Variants in ADAMTS6 observed in about 807,000 individuals in gnomAD.
ADAMTS6 encodes ADAM metallopeptidase with thrombospondin type 1 motif 6.
A neutral mutation model predicts 144.3 loss-of-function variants in ADAMTS6; 23 were observed. The observed-to-expected ratio is 0.16, with a 90% CI of 0.11 to 0.23. ADAMTS6 has a LOEUF of 0.23. ADAMTS6 is among the 10% of genes least tolerant of loss of function. The probability of loss-of-function intolerance (pLI) is 1.00; values close to 1 mark genes in which losing one functional copy is unlikely to be tolerated. For missense variants in ADAMTS6, 999 were observed against 1,379.6 expected (o/e 0.72, Z 4.37); for synonymous variants, 444 against 457.5 (o/e 0.97, Z 0.38).
chr5:65,292,480 A>G (rs925644414), intron 10 of ADAMTS6, among the ~76,000 whole-genome samples: 1 of 151,946 alleles, frequency 6.6e-6, no homozygotes, highest in Non-Finnish European at 1.5e-5. Flanking sequence ...TTAGGACAGT[A>G]CAATTTTTCA....
At chr5:65,239,893 C>T (rs529225931) in intron 15 of ADAMTS6, among the ~76,000 whole-genome samples, 1 of 152,134 alleles carries the variant, frequency 6.6e-6, no homozygotes, top group African/African-American at 2.4e-5. Flanking sequence ...CAGACATTGT[C>T]GGTGAGAGTG....
In ADAMTS6 at chr5:65,242,119, T is replaced by C. The variant is rs1373657192; in HGVS notation, c.1918A>G (p.Lys640Glu). ...MPFRGKYYNW[K>E]PYTGGGVKPC... is the part of the protein sequence containing the mutation. ...TATACATTACCTCCAGTATAGGGTT[T>C]CCAGTTATAATACTTTCCTCGGAAA... The change falls in exon 15 of 25, where the codon AAA becomes GAA. Residue 640 changes from lysine (K) to glutamate (E), a missense_variant. This residue lies in a region of ADAMTS6 where 619 missense variants were observed against 837.0 expected (regional missense o/e 0.74). Coordinates refer to ENST00000381055, the MANE Select transcript of ADAMTS6 (RefSeq NM_197941.4). 1 of 1,594,744 alleles carries C rather than the reference T, an allele frequency of 6.3e-7. No homozygotes were observed. The highest frequency in any genetic ancestry group is 8.6e-7 in the Non-Finnish European group (1 of 1,167,898).
intron 15 of ADAMTS6, among the ~76,000 whole-genome samples, chr5:65,234,078 CAAAAAAAA>C (rs3078364): frequency 3.3e-5 from 3 of 90,384 alleles, no homozygotes; most frequent in Admixed American, 2.3e-4. Flanking sequence ...TGGTCACGTG[CAAAAAAAA>C]AAAAAAAGAA....
intron 22 of ADAMTS6, among the ~76,000 whole-genome samples, chr5:65,177,881 T>C (rs1025756831): frequency 3.9e-5 from 6 of 152,206 alleles, no homozygotes; most frequent in African/African-American, 1.2e-4. Context: ...ATGGTAGCTC[T>C]CTTCCAGGAT....
At chr5:65,268,377 T>C (rs896150409) in intron 12 of ADAMTS6, among the ~76,000 whole-genome samples, 3 of 152,320 alleles carry the variant, frequency 2.0e-5, no homozygotes, top group South Asian at 4.1e-4. Context: ...CCAACACTAC[T>C]ATCAAAGTTT....
Position 65,188,112 on chromosome 5 carries a change from C to T in ADAMTS6, c.2814G>A (p.Leu938=), listed in dbSNP as rs771112279. 5 of 1,614,156 alleles carry T rather than the reference C, an allele frequency of 3.1e-6. No homozygotes were observed. Among genetic ancestry groups the T allele is most frequent in the Non-Finnish European group, 4.2e-6 (5 of 1,180,000 alleles). Residue 938 remains leucine (L), a synonymous_variant, in exon 22 of 25, where the codon CTG becomes CTA. Coordinates refer to ENST00000381055, the MANE Select transcript of ADAMTS6 (RefSeq NM_197941.4). ...RKIGPSEEET[L]DYSGCLTHRP... ...GGTGTGTTAAACAACCACTGTAGTCCAGCGTCTCCTCCTCAGAAGGTCCGA... is the reference window on the plus strand; with the variant it reads ...GGTGTGTTAAACAACCACTGTAGTCTAGCGTCTCCTCCTCAGAAGGTCCGA...
At chr5:65,356,879 C>T (rs1289616469) in intron 7 of ADAMTS6, among the ~76,000 whole-genome samples, 2 of 151,774 alleles carry the variant, frequency 1.3e-5, no homozygotes, top group Non-Finnish European at 3.0e-5. Flanking sequence ...CCTCTACTTT[C>T]CTTCTATACC....
chr5:65,289,095 T>C (rs368045137), intron 11 of ADAMTS6, among the ~76,000 whole-genome samples: 5 of 152,198 alleles, frequency 3.3e-5, no homozygotes, highest in East Asian at 3.8e-4. Context: ...AGGGAAACCA[T>C]TATTTTGCTA....
chr5:65,340,193 T>C (rs1023156734), intron 7 of ADAMTS6, among the ~76,000 whole-genome samples: 12 of 151,866 alleles, frequency 7.9e-5, no homozygotes, highest in Middle Eastern at 3.4e-3. Flanking sequence ...AGAAATCTTA[T>C]AGGCCAGGAG....
intron 3 of ADAMTS6, among the ~76,000 whole-genome samples, chr5:65,470,121 G>A (rs757078043): frequency 2.6e-5 from 4 of 151,694 alleles, no homozygotes; most frequent in African/African-American, 4.8e-5. Flanking sequence ...TGGGTGCCTC[G>A]CCATGCTGCC....
intron 7 of ADAMTS6, among the ~76,000 whole-genome samples, chr5:65,337,839 G>A (rs1039667370): frequency 6.6e-6 from 1 of 152,028 alleles, no homozygotes; most frequent in African/African-American, 2.4e-5. Flanking sequence ...AAATTACAAA[G>A]AAAAATAATG....
At chr5:65,445,156 A>G (rs932119867) in intron 7 of ADAMTS6, among the ~76,000 whole-genome samples, 9 of 152,240 alleles carry the variant, frequency 5.9e-5, no homozygotes, top group African/African-American at 2.2e-4. Flanking sequence ...GTGTGTATAA[A>G]GATAATTGAT....
chr5:65,471,011 C>A lies in ADAMTS6; in HGVS notation c.229G>T (p.Asp77Tyr). 1 of 1,612,876 alleles carries A rather than the reference C, an allele frequency of 6.2e-7. No individual in the cohort carries two copies. The highest frequency in any genetic ancestry group is 8.5e-7 in the Non-Finnish European group (1 of 1,179,606). The change falls in exon 3 of 25, where the codon GAT (aspartate) becomes TAT (tyrosine). Residue 77 changes from aspartate (D) to tyrosine (Y), a missense_variant. Asp to Tyr is a radical substitution (Grantham distance 160). Coordinates refer to ENST00000381055, the MANE Select transcript of ADAMTS6 (RefSeq NM_197941.4). ...AACTTAGATACTGCCTGCTGTGGAT[C>A]AATAGGGTCCATACTCCGTCTTCTC... is the stretch of plus-strand genomic sequence containing the variant. The part of the protein sequence containing the change: ...SRRRRSMDPI[D>Y]PQQAVSKLFF...
chr5:65,152,021 A>G, intron 24 of ADAMTS6, 76 bp from the exon 25 acceptor site: 9 of 1,303,604 alleles, frequency 6.9e-6, no homozygotes, highest in East Asian at 2.3e-5. Context: ...ATGGGCCTGC[A>G]TGTTCAGCAA....
chr5:65,326,507 T>A (rs976106784), intron 9 of ADAMTS6, among the ~76,000 whole-genome samples: 1 of 152,136 alleles, frequency 6.6e-6, no homozygotes, highest in Non-Finnish European at 1.5e-5. Flanking sequence ...AGATATTATA[T>A]CCCTACACAA....
At chr5:65,195,496 T>C (rs1000269854) in intron 21 of ADAMTS6, among the ~76,000 whole-genome samples, 1 of 152,222 alleles carries the variant, frequency 6.6e-6, no homozygotes, top group African/African-American at 2.4e-5. Context: ...AAGGGACTAG[T>C]AGTGAGTATC....
rs564704735 is a variant in ADAMTS6 at position 65,474,314 on chromosome 5, G to A, written c.-279-362C>T. Reference sequence around the variant, plus strand: ...GTTCATTATATGTGACAAACAATATGTAATCCCATTCCATAACATGCCTTT... The same window carrying A: ...GTTCATTATATGTGACAAACAATATATAATCCCATTCCATAACATGCCTTT... On this transcript the variant is annotated intron_variant, in intron 1 of 24. Transcript: ENST00000381055. Among the ~76,000 whole-genome samples the A allele has an allele frequency of 1.7e-3, 257 of 152,190 alleles. 5 individuals are homozygous for A. Among genetic ancestry groups the A allele is most frequent in the Non-Finnish European group, 9.9e-4 (67 of 67,938 alleles).
chr5:65,294,413 T>C (rs928136338), intron 10 of ADAMTS6, among the ~76,000 whole-genome samples: 9 of 152,174 alleles, frequency 5.9e-5, no homozygotes, highest in Admixed American at 5.2e-4. Context: ...TCTCACCATC[T>C]TGCCCAGGCT....
At chr5:65,306,104 A>G (rs1743914648) in intron 9 of ADAMTS6, among the ~76,000 whole-genome samples, 1 of 152,122 alleles carries the variant, frequency 6.6e-6, no homozygotes, top group South Asian at 2.1e-4. Flanking sequence ...ATATTGTGTC[A>G]CCCTTGTGGA....
Sources: allele counts gnomAD v4.1 joint callset (sites outside exome capture counted in the v4.1 genomes callset), GRCh38; gene constraint gnomAD v4.1.1; regional missense constraint gnomAD v4.1.1; transcripts MANE v1.5; gene names NCBI Gene and HGNC (gene_info 2026-07-23, HGNC 2026-07-21).